BAZ2B: variants seen among roughly 807,000 people sequenced by gnomAD.
BAZ2B encodes the protein bromodomain adjacent to zinc finger domain 2B.
A neutral mutation model predicts 246.0 loss-of-function variants in BAZ2B; 91 were observed. That is an observed-to-expected ratio of 0.37 (90% CI 0.31 to 0.44). BAZ2B has a LOEUF of 0.44. Ranked by LOEUF, BAZ2B falls within the 20% of genes least tolerant of loss-of-function variation. BAZ2B has a pLI of 1.00. For synonymous variants in BAZ2B, 855 were observed against 860.0 expected, an observed-to-expected ratio of 0.99 and a Z score of 0.10; for missense variants, 2,332 against 2,533.7, an observed-to-expected ratio of 0.92 and a Z score of 1.71.
At chr2:159,660,823 C>G in the BAZ2B span, among the ~76,000 whole-genome samples, 1 of 152,126 alleles carries the variant, frequency 6.6e-6, no homozygotes, top group Non-Finnish European at 1.5e-5. Flanking sequence ...GTCTTGAATT[C>G]CTGACCTCAA....
At chr2:159,701,606 T>C in the BAZ2B span, among the ~76,000 whole-genome samples, 1 of 148,704 alleles carries the variant, frequency 6.7e-6, no homozygotes, top group Non-Finnish European at 1.5e-5. Flanking sequence ...AAATTTGACT[T>C]CATATTTTAT....
chr2:159,460,261 CT>C (rs1046132898), intron 3 of BAZ2B: 5 of 152,152 alleles, frequency 3.3e-5, no homozygotes, highest in African/African-American at 7.2e-5. Context: ...GGTTTTCCCC[CT>C]ATCAGAATGA....
intron 2 of BAZ2B, among the ~76,000 whole-genome samples, chr2:159,505,021 G>T (rs767498323): frequency 2.6e-5 from 4 of 152,100 alleles, no homozygotes. Context: ...ATGCTCAACT[G>T]ATTTTAATCT....
At chr2:159,655,899 A>T in the BAZ2B span, among the ~76,000 whole-genome samples, 1 of 152,040 alleles carries the variant, frequency 6.6e-6, no homozygotes. Context: ...GTTTTTAAAA[A>T]TTTTCAACAT....
intron 2 of BAZ2B, among the ~76,000 whole-genome samples, chr2:159,519,670 CTTTT>C (rs1156978730): frequency 4.1e-5 from 4 of 98,270 alleles, no homozygotes; most frequent in African/African-American, 1.5e-4. Context: ...GACCTTTCTT[CTTTT>C]TTTTTTTTTT....
At chr2:159,503,954 T>C (rs1433262164) in intron 2 of BAZ2B, among the ~76,000 whole-genome samples, 1 of 152,184 alleles carries the variant, frequency 6.6e-6, no homozygotes, top group Non-Finnish European at 1.5e-5. Flanking sequence ...GAATAAAATA[T>C]GCCAAACATC....
intron 1 of BAZ2B, among the ~76,000 whole-genome samples, chr2:159,611,147 T>G (rs1694641186): frequency 6.6e-6 from 1 of 151,956 alleles, no homozygotes; most frequent in Non-Finnish European, 1.5e-5. Flanking sequence ...ACCTTTCTAT[T>G]GAGAATTACC....
In BAZ2B at chr2:159,332,694, A is replaced by G. The variant is rs2064976954; in HGVS notation, c.5797-8T>C. The stretch of plus-strand genomic sequence containing the variant: ...TCGACAGATTTGGCAGTACTATAAT[A>G]CATGAAAAATCATTTAAAATTAACG... On this transcript the variant is annotated splice_polypyrimidine_tract_variant and splice_region_variant and intron_variant, in intron 33 of 36. Coordinates refer to ENST00000392783, the MANE Select transcript of BAZ2B (RefSeq NM_013450.4). 2 of 1,612,398 alleles carry G rather than the reference A, an allele frequency of 1.2e-6. No homozygotes were observed. Among genetic ancestry groups the G allele is most frequent in the South Asian group, 1.1e-5 (1 of 90,744 alleles).
intron 34 of BAZ2B, among the ~76,000 whole-genome samples, chr2:159,331,188 GA>G (rs575779921): frequency 2.1e-4 from 32 of 152,190 alleles, no homozygotes; most frequent in Non-Finnish European, 4.3e-4. Context: ...GGCAACAGCA[GA>G]GAAGGTAAGG....
chr2:159,583,065 G>A (rs1374052990), intron 1 of BAZ2B, among the ~76,000 whole-genome samples: 1 of 150,800 alleles, frequency 6.6e-6, no homozygotes. Context: ...ATGCATATTT[G>A]TGTTATTTTA....
Position 159,350,265 on chromosome 2 carries a change from A to C in BAZ2B, c.4306T>G (p.Leu1436Val), listed in dbSNP as rs1418298536. The change falls in exon 28 of 37, where the codon TTA becomes GTA. Residue 1436 changes from leucine to valine, a missense_variant. Coordinates refer to ENST00000392783, the MANE Select transcript of BAZ2B (RefSeq NM_013450.4). ...EEMFETSGDS[L>V]NCSNTDHCEQ... ...CAGTGATCTGTATTTGAACAATTTA[A>C]ACTGTCCCCAGAAGTCTCAAACATT... is the stretch of plus-strand genomic sequence containing the variant. The C allele has an allele frequency of 6.2e-7, 1 of 1,612,178 alleles. No individual in the cohort carries two copies. The highest frequency in any genetic ancestry group is 1.1e-5 in the South Asian group (1 of 90,960).
At chr2:159,680,560 G>A in the BAZ2B span, among the ~76,000 whole-genome samples, 380 of 152,174 alleles carry the variant, frequency 2.5e-3, 2 homozygotes, top group African/African-American at 8.7e-3. Flanking sequence ...CTGTTACCCC[G>A]GGCACGTTAG....
At chr2:159,448,565 CAGT>C (rs2074581786) in intron 4 of BAZ2B, among the ~76,000 whole-genome samples, 156 bp from the exon 5 acceptor site, 1 of 152,188 alleles carries the variant, frequency 6.6e-6, no homozygotes, top group Non-Finnish European at 1.5e-5. Flanking sequence ...TAATTCTAAA[CAGT>C]AGAACTTGTA....
At chr2:159,570,181 TG>T (rs56740260) in intron 1 of BAZ2B, among the ~76,000 whole-genome samples, 68,627 of 139,012 alleles carry the variant, frequency 0.49, 15,818 homozygotes, top group East Asian at 0.71. Context: ...AGTTTTTTTT[TG>T]TTTTTTTTGT....
intron 13 of BAZ2B, among the ~76,000 whole-genome samples, chr2:159,426,263 C>G (rs1443705094): frequency 2.0e-5 from 3 of 152,108 alleles, no homozygotes; most frequent in Non-Finnish European, 2.9e-5. Context: ...GTCTAATTAT[C>G]ACTGATATAA....
At chr2:159,533,298 T>A (rs1028750863) in intron 2 of BAZ2B, among the ~76,000 whole-genome samples, 2 of 152,078 alleles carry the variant, frequency 1.3e-5, no homozygotes, top group Non-Finnish European at 2.9e-5. Context: ...GAAAGAAGAA[T>A]AGAATACATT....
chr2:159,648,624 T>C, the BAZ2B span, among the ~76,000 whole-genome samples: 1 of 152,222 alleles, frequency 6.6e-6, no homozygotes, highest in Non-Finnish European at 1.5e-5. Flanking sequence ...AATTTTCAGA[T>C]TCACTCATTG....
In BAZ2B at chr2:159,373,190, C is replaced by T; in HGVS notation, c.4069-1G>A. The stretch of plus-strand genomic sequence containing the variant: ...GCTTCCTTCTGTACTGACTCTGTTG[C>T]TGTTAAAAAAATGGTACATATAATT... On this transcript the variant is annotated splice_acceptor_variant, in intron 26 of 36. Transcript: ENST00000392783. LOFTEE classifies it high-confidence loss of function. 6.2e-7 allele frequency: 1 copy of T among 1,600,318 alleles called. No individual in the cohort carries two copies. Among genetic ancestry groups the T allele is most frequent in the Non-Finnish European group, 8.5e-7 (1 of 1,175,114 alleles).
At chr2:159,585,447 T>C (rs972451516) in intron 1 of BAZ2B, among the ~76,000 whole-genome samples, 11 of 152,224 alleles carry the variant, frequency 7.2e-5, no homozygotes, top group African/African-American at 2.7e-4. Context: ...GGCAAATGAA[T>C]GTGAAAACTG....
Sources: allele counts gnomAD v4.1 joint callset (sites outside exome capture counted in the v4.1 genomes callset), GRCh38; gene constraint gnomAD v4.1.1; transcripts MANE v1.5; gene names NCBI Gene and HGNC (gene_info 2026-07-23, HGNC 2026-07-21).